Variants in POLR1C observed in about 807,000 individuals in gnomAD.
POLR1C encodes the protein DNA-directed RNA polymerases I and III subunit RPAC1.
POLR1C carries 42 observed loss-of-function variants against 38.3 expected under a neutral mutation model. The observed-to-expected ratio is 1.10, with a 90% confidence interval of 0.86 to 1.42. The LOEUF (loss-of-function observed/expected upper bound fraction) is 1.42. Among genes scored for constraint, POLR1C ranks in the 40% most tolerant of loss-of-function variants. The pLI, the probability that POLR1C is intolerant of heterozygous loss-of-function variation, is 0.00. For missense variants in POLR1C, 507 were observed against 450.5 expected (o/e 1.13, Z -1.14); for synonymous variants, 163 against 163.9 (o/e 0.99, Z 0.04).
At chr6:43,523,144 C>A, downstream of POLR1C, 1 of 165,156 alleles carries the variant, frequency 6.1e-6, no homozygotes, top group Non-Finnish European at 1.3e-5. Flanking sequence ...GGAGGCCAGA[C>A]TGAGGGGTCA....
intron 9 of POLR1C, among the ~76,000 whole-genome samples, chr6:43,543,043 G>A (rs1031087804): frequency 2.0e-5 from 3 of 152,096 alleles, no homozygotes; most frequent in African/African-American, 7.2e-5. Context: ...AAAAACACAA[G>A]TACATTCATG....
chr6:43,536,129 C>T (rs1475317318), intron 9 of POLR1C, among the ~76,000 whole-genome samples: 1 of 147,500 alleles, frequency 6.8e-6, no homozygotes, highest in Non-Finnish European at 1.5e-5. Context: ...TCATTCGCTA[C>T]CCTGGCCAGG....
Position 43,520,080 on chromosome 6 carries a change from A to G in POLR1C, c.397A>G (p.Thr133Ala), listed in dbSNP as rs906664643. 9 of 1,614,120 alleles carry G rather than the reference A, an allele frequency of 5.6e-6. No individual in the cohort carries two copies. The highest frequency in any genetic ancestry group is 7.6e-6 in the Non-Finnish European group (9 of 1,180,042). The change falls in exon 5 of 9, where the codon ACA becomes GCA. Residue 133 changes from threonine to alanine, a missense_variant. Transcript: ENST00000642195. ...CATTTGTGCAGGAGATGAAGAAGGC[A>G]CAGAGATAGATACTCTACAGTTTCG... ...EYRNQGDEEG[T>A]EIDTLQFRLQ...
At chr6:43,537,620 C>A (rs1794418237) in intron 9 of POLR1C, among the ~76,000 whole-genome samples, 1 of 152,062 alleles carries the variant, frequency 6.6e-6, no homozygotes, top group South Asian at 2.1e-4. Flanking sequence ...CTGCAGAGTG[C>A]CATATGTCCT....
At chr6:43,528,235 G>C in intron 8 of POLR1C, 1 of 1,569,374 alleles carries the variant, frequency 6.4e-7, no homozygotes, top group Non-Finnish European at 8.7e-7. Context: ...ATAAATGCTA[G>C]AATTGGGGAA....
intron 10 of POLR1C, chr6:43,553,272 A>G: frequency 1.4e-6 from 2 of 1,407,596 alleles, no homozygotes; most frequent in South Asian, 2.9e-5. Context: ...ACTGCATTTC[A>G]GCCTGAGCAA....
chr6:43,541,169 T>C (rs1794673149), intron 9 of POLR1C, among the ~76,000 whole-genome samples: 1 of 152,182 alleles, frequency 6.6e-6, no homozygotes, highest in Non-Finnish European at 1.5e-5. Flanking sequence ...CCACAAAGAA[T>C]GAATAAGATC....
At position 43,520,470 on chromosome 6, in the gene POLR1C, T is replaced by G. The variant is rs367795768; in HGVS notation, c.655+43T>G. 8.1e-6 allele frequency: 13 copies of G among 1,611,718 alleles called. No homozygotes were observed. In the African/African-American group the frequency reaches 1.6e-4, roughly 20 times the overall value. On this transcript the variant is annotated intron_variant, in intron 6 of 8. Coordinates refer to ENST00000642195, the MANE Select transcript of POLR1C (RefSeq NM_203290.4). ...CTTCCTGGGAAGGGGGATAGTTCGG[T>G]TGCAGTGGGGCAAGCTGACTAGGGA...
downstream of POLR1C, among the ~76,000 whole-genome samples, chr6:43,533,103 C>T (rs944649652): frequency 2.0e-5 from 3 of 152,028 alleles, no homozygotes; most frequent in Non-Finnish European, 2.9e-5. Context: ...CCACTGTACA[C>T]CAGCCTGGGT....
chr6:43,551,521 T>G lies in POLR1C; in HGVS notation c.*48+510T>G. On this transcript the variant is annotated intron_variant, in intron 10 of 10. Coordinates refer to the POLR1C transcript ENST00000607635. ...CTTAGAAATAACCATTTTGGCTACA[T>G]TTTATTTTCATCTTTTAAAGAGACA... The G allele has an allele frequency of 5.7e-6, 9 of 1,572,678 alleles. No homozygotes were observed. The South Asian group carries it at 1.0e-4, about 18-fold the overall frequency.
rs11324075 is a variant in POLR1C at position 43,545,723 on chromosome 6, C to CA, written c.*5-5235dup. Among the ~76,000 whole-genome samples, 311 of 147,602 alleles carry CA rather than the reference C, an allele frequency of 2.1e-3. 1 individual carries two copies. The highest frequency in any genetic ancestry group is 0.018 in the Middle Eastern group (5 of 284). On this transcript the variant is annotated intron_variant, in intron 9 of 10. Coordinates refer to the POLR1C transcript ENST00000607635. ...ACTCTGTCTCAAAAAAACAAACAAA[C>CA]AAAAAAAAAACCAATCCTGTGAGAT...
intron 9 of POLR1C, chr6:43,548,348 T>G (rs1795065483): frequency 6.2e-7 from 1 of 1,613,736 alleles, no homozygotes; most frequent in African/African-American, 1.3e-5. Context: ...GTTCTTAAAT[T>G]GGTTGCTAAT....
Position 43,521,396 on chromosome 6 carries a change from G to C in POLR1C, c.*96G>C. The C allele has an allele frequency of 1.3e-6, 2 of 1,599,762 alleles. No homozygotes were observed. Among genetic ancestry groups the C allele is most frequent in the South Asian group, 1.1e-5 (1 of 89,398 alleles). On this transcript the variant is annotated 3_prime_UTR_variant, in exon 9 of 9. Coordinates refer to ENST00000642195, the MANE Select transcript of POLR1C (RefSeq NM_203290.4). ...AGAGCCCAGTGTGACTAGGGATCCT[G>C]AGTTTTCTGGGACAATTCCAGCTTT...
At chr6:43,531,640 C>G, downstream of POLR1C, 2 of 1,379,416 alleles carry the variant, frequency 1.4e-6, no homozygotes, top group Non-Finnish European at 2.1e-6. Context: ...GGCCAACACT[C>G]TACAGCAGGA....
chr6:43,539,131 C>G, intron 9 of POLR1C: 1 of 1,189,238 alleles, frequency 8.4e-7, no homozygotes, highest in Non-Finnish European at 1.2e-6. Flanking sequence ...GGCGCACCAG[C>G]ACAGAGCCAC....
intron 10 of POLR1C, chr6:43,560,811 C>T: frequency 2.2e-6 from 2 of 897,986 alleles, no homozygotes; most frequent in South Asian, 2.9e-5. Flanking sequence ...GGTCATTCCC[C>T]AAGGCCTGAA....
chr6:43,536,907 G>A (rs748021985), intron 9 of POLR1C, among the ~76,000 whole-genome samples: 2 of 151,116 alleles, frequency 1.3e-5, no homozygotes, highest in African/African-American at 2.4e-5. Context: ...GTCTGTCCTC[G>A]ACAACTCAAC....
At chr6:43,541,415 A>T (rs973195038) in intron 9 of POLR1C, among the ~76,000 whole-genome samples, 1 of 152,228 alleles carries the variant, frequency 6.6e-6, no homozygotes, top group Non-Finnish European at 1.5e-5. Flanking sequence ...ACAAAACTTT[A>T]AAAAACTAAC....
chr6:43,536,481 A>C (rs902462046), intron 9 of POLR1C, among the ~76,000 whole-genome samples: 2 of 151,636 alleles, frequency 1.3e-5, no homozygotes, highest in African/African-American at 4.8e-5. Context: ...TACTTTGGCC[A>C]GATGCGGTGG....
Sources: allele counts gnomAD v4.1 joint callset (sites outside exome capture counted in the v4.1 genomes callset), GRCh38; gene constraint gnomAD v4.1.1; transcripts MANE v1.5; gene names NCBI Gene and HGNC (gene_info 2026-07-23, HGNC 2026-07-21).